Variants in LAPTM4B observed in about 807,000 individuals in gnomAD.
LAPTM4B encodes the protein lysosomal-associated transmembrane protein 4B.
A neutral mutation model predicts 28.5 loss-of-function variants in LAPTM4B; 26 were observed. The observed-to-expected ratio is 0.91, with a 90% confidence interval of 0.67 to 1.27. The LOEUF (loss-of-function observed/expected upper bound fraction) is 1.27, where lower values mean the gene tolerates loss of function less well. Ranked by LOEUF, LAPTM4B falls within the 50% of genes most tolerant of loss-of-function variation. LAPTM4B has a pLI of 0.00. For missense variants in LAPTM4B, 288 were observed against 285.8 expected (o/e 1.01, Z -0.06); for synonymous variants, 109 against 106.4 (o/e 1.02, Z -0.15).
At chr8:97,786,938 CTGTTAACAGTTCAGGGAG>C (rs1328142300) in intron 1 of LAPTM4B, among the ~76,000 whole-genome samples, 2 of 152,090 alleles carry the variant, frequency 1.3e-5, no homozygotes, top group Non-Finnish European at 2.9e-5. Context: ...TATTTCTTTC[CTGTTAACAGTTCAGGGAG>C]TGTTGGCCAA....
intron 6 of LAPTM4B, among the ~76,000 whole-genome samples, chr8:97,831,344 T>C (rs747272737): frequency 1.6e-4 from 25 of 152,258 alleles, no homozygotes; most frequent in Non-Finnish European, 3.2e-4. Flanking sequence ...CAACCCAGAC[T>C]AGGAGGGTTT....
chr8:97,786,660 C>CT (rs1257095376), intron 1 of LAPTM4B, among the ~76,000 whole-genome samples: 3 of 150,434 alleles, frequency 2.0e-5, no homozygotes, highest in African/African-American at 7.4e-5. Context: ...GATCGTGCCG[C>CT]TACACTCCAG....
At chr8:97,836,086 T>G (rs6986810) in intron 6 of LAPTM4B, among the ~76,000 whole-genome samples, 1 of 151,680 alleles carries the variant, frequency 6.6e-6, no homozygotes, top group Non-Finnish European at 1.5e-5. Flanking sequence ...CCTCACCCCC[T>G]CATCAACCCC....
At chr8:97,832,217 AG>A (rs1370523566) in intron 6 of LAPTM4B, among the ~76,000 whole-genome samples, 1 of 152,192 alleles carries the variant, frequency 6.6e-6, no homozygotes, top group Non-Finnish European at 1.5e-5. Flanking sequence ...TTGTTTATTT[AG>A]GCTTAGTTAT....
chr8:97,801,921 T>C (rs560492281), intron 1 of LAPTM4B, among the ~76,000 whole-genome samples: 1 of 151,864 alleles, frequency 6.6e-6, no homozygotes, highest in Non-Finnish European at 1.5e-5. Flanking sequence ...ATCTTTGCCA[T>C]AAATCTTAAT....
chr8:97,794,532 T>A (rs1209545378), intron 1 of LAPTM4B, among the ~76,000 whole-genome samples: 1 of 151,880 alleles, frequency 6.6e-6, no homozygotes, highest in East Asian at 1.9e-4. Context: ...AAATCTAATT[T>A]CCCCCCAGAA....
chr8:97,827,606 G>A (rs1233604447), intron 6 of LAPTM4B, among the ~76,000 whole-genome samples: 2 of 152,164 alleles, frequency 1.3e-5, no homozygotes, highest in African/African-American at 4.8e-5. Flanking sequence ...AGTGGGGAGG[G>A]GACACTTTTG....
intron 1 of LAPTM4B, among the ~76,000 whole-genome samples, chr8:97,788,671 G>A (rs1197389225): frequency 6.6e-6 from 1 of 151,578 alleles, no homozygotes; most frequent in Non-Finnish European, 1.5e-5. Flanking sequence ...CCTTTGTTAA[G>A]GGTCTGTTGG....
chr8:97,831,048 T>C (rs554732368), intron 6 of LAPTM4B, among the ~76,000 whole-genome samples: 1 of 152,266 alleles, frequency 6.6e-6, no homozygotes, highest in South Asian at 2.1e-4. Flanking sequence ...AATTGTCCAG[T>C]CTTTTTTGCG....
At chr8:97,831,297 C>T (rs1817179803) in intron 6 of LAPTM4B, among the ~76,000 whole-genome samples, 1 of 152,076 alleles carries the variant, frequency 6.6e-6, no homozygotes. Flanking sequence ...TTTTTCTGTC[C>T]CTGTAGGAAA....
In LAPTM4B at chr8:97,841,293, G is replaced by A. The variant is rs529676632; in HGVS notation, c.604-10104G>A. Among the ~76,000 whole-genome samples the A allele has an allele frequency of 2.5e-4, 38 of 152,314 alleles. 1 individual carries two copies. The highest frequency in any genetic ancestry group is 2.3e-3 in the Admixed American group (35 of 15,304). On this transcript the variant is annotated intron_variant, in intron 6 of 6. Transcript: ENST00000521545. ...TTACTTATAGTATATATCATAGGTG[G>A]GGCATTTAAAAAGTTTGGAAAAATT... is the stretch of plus-strand genomic sequence containing the variant.
intron 5 of LAPTM4B, among the ~76,000 whole-genome samples, chr8:97,820,318 T>TTTTC (rs1816985354): frequency 6.6e-6 from 1 of 150,386 alleles, no homozygotes; most frequent in African/African-American, 2.4e-5. Flanking sequence ...TTTTTTTTTT[T>TTTTC]TTGAGGTAGG....
At chr8:97,838,140 A>C (rs1206555250) in intron 6 of LAPTM4B, among the ~76,000 whole-genome samples, 4 of 152,194 alleles carry the variant, frequency 2.6e-5, no homozygotes, top group African/African-American at 7.2e-5. Context: ...TGTCAGAGGT[A>C]GTTAATAGTA....
At chr8:97,822,659 T>G (rs1210569296) in intron 5 of LAPTM4B, among the ~76,000 whole-genome samples, 1 of 151,902 alleles carries the variant, frequency 6.6e-6, no homozygotes, top group Non-Finnish European at 1.5e-5. Flanking sequence ...TTGATGTATT[T>G]ATACAGACAT....
chr8:97,813,653 A>G (rs1317559611), intron 2 of LAPTM4B, among the ~76,000 whole-genome samples: 1 of 152,246 alleles, frequency 6.6e-6, no homozygotes, highest in East Asian at 1.9e-4. Flanking sequence ...TCTGGTGTCC[A>G]GTATTCCTCC....
chr8:97,802,487 C>T (rs1418374628), intron 1 of LAPTM4B, among the ~76,000 whole-genome samples: 1 of 152,110 alleles, frequency 6.6e-6, no homozygotes, highest in Non-Finnish European at 1.5e-5. Flanking sequence ...GAAATAAGGA[C>T]AGCCAGAGCT....
chr8:97,812,759 CCCTCACTCTACTT>C (rs1188438759), intron 2 of LAPTM4B, among the ~76,000 whole-genome samples: 7 of 152,162 alleles, frequency 4.6e-5, no homozygotes, highest in African/African-American at 1.2e-4. Context: ...GTGGGAGGCA[CCCTCACTCTACTT>C]CCCTCTTTGT....
Position 97,851,502 on chromosome 8 carries a change from G to A in LAPTM4B, c.*28G>A, listed in dbSNP as rs1439134944. Reference sequence around the variant, plus strand: ...CTTCAAGTGGGCGGAGCTGAGGGCAGCAGCTTGACTTTGCAGACATCTGAG... The same window carrying A: ...CTTCAAGTGGGCGGAGCTGAGGGCAACAGCTTGACTTTGCAGACATCTGAG... On this transcript the variant is annotated 3_prime_UTR_variant, in exon 7 of 7. Coordinates refer to ENST00000521545, the MANE Select transcript of LAPTM4B (RefSeq NM_018407.6). 2 of 1,558,718 alleles carry A rather than the reference G, an allele frequency of 1.3e-6. No homozygotes were observed. Among genetic ancestry groups the A allele is most frequent in the Non-Finnish European group, 1.8e-6 (2 of 1,129,784 alleles).
chr8:97,828,580 T>C (rs890885744), intron 6 of LAPTM4B, among the ~76,000 whole-genome samples: 2 of 152,208 alleles, frequency 1.3e-5, no homozygotes, highest in Admixed American at 1.3e-4. Flanking sequence ...TTTTTTGATA[T>C]TGTCGTATAC....
Sources: gnomAD v4.1 joint callset for allele counts (sites outside exome capture counted in the v4.1 genomes callset) on GRCh38, gnomAD v4.1.1 for gene constraint, MANE v1.5 for transcripts, NCBI Gene and HGNC (gene_info 2026-07-23, HGNC 2026-07-21) for gene names.